LUZP2: variants seen among roughly 807,000 people sequenced by gnomAD.
LUZP2 encodes the protein leucine zipper protein 2.
A neutral mutation model predicts 51.6 loss-of-function variants in LUZP2; 52 were observed. The ratio of observed to expected loss-of-function variants is 1.01; its 90% confidence interval spans 0.81 to 1.27. The LOEUF (loss-of-function observed/expected upper bound fraction) is 1.27, where lower values mean the gene tolerates loss of function less well. Ranked by LOEUF, LUZP2 falls within the 50% of genes most tolerant of loss-of-function variation. The pLI is 0.00. For synonymous variants in LUZP2, 154 were observed against 137.3 expected (o/e 1.12, Z -0.85); for missense variants, 436 against 395.4 (o/e 1.10, Z -0.87).
intron 10 of LUZP2, among the ~76,000 whole-genome samples, chr11:25,054,216 G>C (rs920929936): frequency 6.6e-6 from 1 of 152,088 alleles, no homozygotes; most frequent in African/African-American, 2.4e-5. Context: ...TTATCAGTCT[G>C]TTCAGCTTTT....
intron 5 of LUZP2, among the ~76,000 whole-genome samples, chr11:24,830,116 A>AG (rs892611487): frequency 6.6e-6 from 1 of 151,814 alleles, no homozygotes; most frequent in Non-Finnish European, 1.5e-5. Context: ...AGAGAAAAAA[A>AG]AACGCTTAAA....
intron 10 of LUZP2, among the ~76,000 whole-genome samples, chr11:25,057,138 T>A (rs1248679811): frequency 6.6e-6 from 1 of 152,146 alleles, no homozygotes; most frequent in Non-Finnish European, 1.5e-5. Context: ...ATATTAAATA[T>A]GTCACATTCA....
intron 1 of LUZP2, among the ~76,000 whole-genome samples, chr11:24,666,718 C>T (rs1321714516): frequency 6.6e-6 from 1 of 152,092 alleles, no homozygotes; most frequent in Admixed American, 6.5e-5. Context: ...GGGCAGTACC[C>T]ACAGAAAGAG....
chr11:24,629,878 A>G (rs953008239), intron 1 of LUZP2, among the ~76,000 whole-genome samples: 2 of 151,904 alleles, frequency 1.3e-5, no homozygotes, highest in African/African-American at 4.8e-5. Context: ...CTTTTTAATA[A>G]TAACCTTTCT....
chr11:24,779,692 C>A (rs1044440297), intron 5 of LUZP2, among the ~76,000 whole-genome samples: 1 of 152,114 alleles, frequency 6.6e-6, no homozygotes, highest in Non-Finnish European at 1.5e-5. Flanking sequence ...CATGTCCATG[C>A]AAACTTATAA....
At chr11:24,752,353 T>C (rs919764302) in intron 4 of LUZP2, among the ~76,000 whole-genome samples, 1 of 152,172 alleles carries the variant, frequency 6.6e-6, no homozygotes, top group African/African-American at 2.4e-5. Flanking sequence ...TTCTACATTG[T>C]TCTATACATA....
intron 1 of LUZP2, among the ~76,000 whole-genome samples, chr11:24,683,091 C>T (rs1333876404): frequency 6.6e-6 from 1 of 152,180 alleles, no homozygotes. Flanking sequence ...GATTAAAGAT[C>T]TTTCCAAGCT....
intron 1 of LUZP2, among the ~76,000 whole-genome samples, chr11:24,525,674 G>C (rs1850775949): frequency 6.6e-6 from 1 of 151,192 alleles, no homozygotes; most frequent in African/African-American, 2.4e-5. Context: ...ATTAGAATAA[G>C]ATTTTCATCT....
intron 1 of LUZP2, among the ~76,000 whole-genome samples, chr11:24,720,387 T>A (rs1402063368): frequency 6.6e-6 from 1 of 152,330 alleles, no homozygotes; most frequent in East Asian, 1.9e-4. Flanking sequence ...ATTAGGAAAC[T>A]GAATCTAGCA....
chr11:24,792,945 C>A (rs973547763), intron 5 of LUZP2, among the ~76,000 whole-genome samples: 2 of 152,108 alleles, frequency 1.3e-5, no homozygotes, highest in African/African-American at 2.4e-5. Context: ...ATTTTCTCAC[C>A]AAAAGATCTT....
chr11:24,855,261 A>G (rs926298786), intron 5 of LUZP2, among the ~76,000 whole-genome samples: 1 of 152,202 alleles, frequency 6.6e-6, no homozygotes, highest in Admixed American at 6.5e-5. Flanking sequence ...AGATGTGATC[A>G]ATGAATTCAG....
intron 1 of LUZP2, among the ~76,000 whole-genome samples, chr11:24,576,412 C>CAAAA (rs10549188): frequency 2.7e-5 from 2 of 75,180 alleles, no homozygotes; most frequent in African/African-American, 5.1e-5. Context: ...GACTCCATCT[C>CAAAA]AAAAAAAAAA....
intron 1 of LUZP2, among the ~76,000 whole-genome samples, chr11:24,680,906 A>G (rs1427844261): frequency 6.6e-6 from 1 of 152,136 alleles, no homozygotes; most frequent in Non-Finnish European, 1.5e-5. Flanking sequence ...TGCTGTAACA[A>G]CAACTGTCAT....
At chr11:24,761,044 C>T (rs1859960021) in intron 4 of LUZP2, among the ~76,000 whole-genome samples, 1 of 152,158 alleles carries the variant, frequency 6.6e-6, no homozygotes, top group Non-Finnish European at 1.5e-5. Context: ...ATTTTAGAGT[C>T]AGAATTATTT....
intron 8 of LUZP2, among the ~76,000 whole-genome samples, chr11:24,978,090 A>T (rs1855929853): frequency 6.6e-6 from 1 of 151,640 alleles, no homozygotes; most frequent in African/African-American, 2.4e-5. Context: ...TTACCTTCTA[A>T]CCATCAGTTT....
chr11:25,003,243 G>C (rs1422817612), intron 9 of LUZP2, among the ~76,000 whole-genome samples: 1 of 152,204 alleles, frequency 6.6e-6, no homozygotes, highest in African/African-American at 2.4e-5. Flanking sequence ...AAGAGACCTA[G>C]ATCTTGGGCC....
At chr11:24,849,867 T>C (rs1277942090) in intron 5 of LUZP2, among the ~76,000 whole-genome samples, 1 of 152,234 alleles carries the variant, frequency 6.6e-6, no homozygotes, top group African/African-American at 2.4e-5. Context: ...TGCATTTCTC[T>C]AATGACCAGT....
At chr11:24,575,606 A>G (rs1006273133) in intron 1 of LUZP2, among the ~76,000 whole-genome samples, 1 of 152,166 alleles carries the variant, frequency 6.6e-6, no homozygotes, top group Non-Finnish European at 1.5e-5. Flanking sequence ...TATTTTAAGC[A>G]CTTTGGCTTG....
intron 1 of LUZP2, among the ~76,000 whole-genome samples, chr11:24,588,654 T>C (rs1853155752): frequency 6.6e-6 from 1 of 150,978 alleles, no homozygotes; most frequent in African/African-American, 2.4e-5. Flanking sequence ...AAAAAGATTA[T>C]ATTTTAAAAT....
Sources: allele counts gnomAD v4.1 joint callset (sites outside exome capture counted in the v4.1 genomes callset), GRCh38; gene constraint gnomAD v4.1.1; transcripts MANE v1.5; gene names NCBI Gene and HGNC (gene_info 2026-07-23, HGNC 2026-07-21).